The following OBI1 variants were observed in gnomAD, a reference collection of about 807,000 sequenced individuals.
The protein encoded by OBI1 is ORC ubiquitin ligase 1.
A neutral mutation model predicts 62.4 loss-of-function variants in OBI1; 59 were observed. The ratio of observed to expected loss-of-function variants is 0.95; its 90% CI spans 0.77 to 1.17. OBI1 has a LOEUF of 1.17. Ranked by LOEUF, OBI1 falls within the 50% of genes most tolerant of loss-of-function variation. The pLI is 0.00. For missense variants in OBI1, 875 were observed against 830.9 expected (o/e 1.05, Z -0.65); for synonymous variants, 302 against 292.8 (o/e 1.03, Z -0.32).
At chr13:78,620,688 A>G in intron 5 of OBI1, 1 of 455,908 alleles carries the variant, frequency 2.2e-6, no homozygotes, top group South Asian at 1.6e-5. Flanking sequence ...TGTCCCTAGT[A>G]AAAGAGAAAT....
chr13:78,616,807 G>A lies in OBI1; in HGVS notation c.954C>T (p.Ser318=). Residue 318 remains serine (S), a synonymous_variant, in exon 6 of 6, where the codon AGC becomes AGT. Transcript: ENST00000282003. ...SSSHLAKPSS[S]RLCDTSSARQ... ...TTGCAGAACTGGTGTCACACAGTCTGCTGCTGGAAGGCTTCGCTAGGTGAG... is the reference window on the plus strand; with the variant it reads ...TTGCAGAACTGGTGTCACACAGTCTACTGCTGGAAGGCTTCGCTAGGTGAG... 6.2e-7 allele frequency: 1 copy of A among 1,614,208 alleles called. No individual in the cohort carries two copies. Among genetic ancestry groups the A allele is most frequent in the Non-Finnish European group, 8.5e-7 (1 of 1,180,030 alleles).
chr13:78,643,415 C>T (rs375809217), intron 2 of OBI1, among the ~76,000 whole-genome samples: 18 of 152,298 alleles, frequency 1.2e-4, no homozygotes, highest in Admixed American at 2.6e-4. Context: ...ACTCTGATTG[C>T]GCCTTCAGAT....
At chr13:78,656,552 A>G (rs893421707) in intron 1 of OBI1, among the ~76,000 whole-genome samples, 3 of 151,742 alleles carry the variant, frequency 2.0e-5, no homozygotes, top group African/African-American at 7.3e-5. Flanking sequence ...ATTGCTCTCC[A>G]GCCCGGGCAA....
At chr13:78,626,387 T>A (rs1454268743) in intron 5 of OBI1, among the ~76,000 whole-genome samples, 1 of 152,178 alleles carries the variant, frequency 6.6e-6, no homozygotes, top group African/African-American at 2.4e-5. Flanking sequence ...ATTTAAAAAA[T>A]ATGTCTTGGT....
At chr13:78,657,766 T>G (rs1400012480) in intron 1 of OBI1, among the ~76,000 whole-genome samples, 1 of 152,226 alleles carries the variant, frequency 6.6e-6, no homozygotes, top group Non-Finnish European at 1.5e-5. Context: ...ACTCAGAATT[T>G]AACACATATT....
chr13:78,650,997 TA>T (rs767545887), intron 1 of OBI1, among the ~76,000 whole-genome samples: 8 of 152,156 alleles, frequency 5.3e-5, no homozygotes, highest in Non-Finnish European at 8.8e-5. Flanking sequence ...ACATTAAGTC[TA>T]AGAAGCCACA....
chr13:78,631,335 G>GA (rs1168804103), intron 5 of OBI1, among the ~76,000 whole-genome samples: 3 of 152,126 alleles, frequency 2.0e-5, no homozygotes, highest in Non-Finnish European at 4.4e-5. Context: ...ATTTGCTAAG[G>GA]GAAAGTACAA....
In OBI1 at chr13:78,616,074, C is replaced by G; in HGVS notation, c.1687G>C (p.Asp563His). 2 of 1,614,160 alleles carry G rather than the reference C, an allele frequency of 1.2e-6. No homozygotes were observed. Among genetic ancestry groups the G allele is most frequent in the South Asian group, 2.2e-5 (2 of 91,078 alleles). Reference protein sequence around the residue: ...SPCNNGFKSLDLDGLSKSSQG... With the variant: ...SPCNNGFKSLHLDGLSKSSQG... ...GATGACTTTGATAACCCATCCAAAT[C>G]CAGTGACTTAAAACCGTTATTACAA... Residue 563 changes from aspartate (D) to histidine (H), a missense_variant, in exon 6 of 6, where the codon GAT becomes CAT. Coordinates refer to ENST00000282003, the MANE Select transcript of OBI1 (RefSeq NM_024546.4).
Position 78,652,458 on chromosome 13 carries a change from A to T in OBI1, c.72+6591T>A, listed in dbSNP as rs1471966974. Among the ~76,000 whole-genome samples the T allele has an allele frequency of 2.6e-5, 4 of 152,142 alleles. No individual in the cohort carries two copies. The East Asian group carries it at 7.7e-4, about 29-fold the overall frequency. On this transcript the variant is annotated intron_variant, in intron 1 of 5. Transcript: ENST00000282003. ...AGACTTTCTATCCAATTTACTCTCA[A>T]ATGAGACCCGTGGCAATAAAACAGT...
intron 5 of OBI1, chr13:78,617,387 T>G: frequency 3.1e-6 from 1 of 327,430 alleles, no homozygotes; most frequent in Non-Finnish European, 5.6e-6. Context: ...GGCAGAAATG[T>G]GCTGATGATT....
At chr13:78,643,747 C>T (rs896454421) in intron 2 of OBI1, among the ~76,000 whole-genome samples, 11 of 151,874 alleles carry the variant, frequency 7.2e-5, no homozygotes, top group Non-Finnish European at 1.5e-4. Flanking sequence ...GAGAACGCGC[C>T]ACTGCACTCC....
At chr13:78,623,973 T>C (rs942649737) in intron 5 of OBI1, among the ~76,000 whole-genome samples, 2 of 152,160 alleles carry the variant, frequency 1.3e-5, no homozygotes, top group East Asian at 3.9e-4. Context: ...ACCAGAGATA[T>C]AAAGACTAAG....
At chr13:78,657,895 C>T (rs1217355943) in intron 1 of OBI1, among the ~76,000 whole-genome samples, 1 of 152,204 alleles carries the variant, frequency 6.6e-6, no homozygotes, top group East Asian at 1.9e-4. Context: ...AAACACCATC[C>T]TCGATGAGGC....
chr13:78,656,683 A>G (rs1265975881), intron 1 of OBI1, among the ~76,000 whole-genome samples: 1 of 117,046 alleles, frequency 8.5e-6, no homozygotes, highest in East Asian at 2.9e-4. Context: ...GCCTGAATGT[A>G]GAACTCAGGC....
intron 4 of OBI1, among the ~76,000 whole-genome samples, chr13:78,636,372 C>A (rs6563053): frequency 0.37 from 56,041 of 151,980 alleles, 10,647 homozygotes; most frequent in African/African-American, 0.39. Flanking sequence ...AATTCTTTGA[C>A]CAGAACATTT....
At chr13:78,658,485 CA>C (rs1219179830) in intron 1 of OBI1, among the ~76,000 whole-genome samples, 1 of 152,166 alleles carries the variant, frequency 6.6e-6, no homozygotes, top group African/African-American at 2.4e-5. Flanking sequence ...TAATACCCTC[CA>C]GGAGCACTTA....
At chr13:78,651,122 T>C (rs1379576061) in intron 1 of OBI1, among the ~76,000 whole-genome samples, 1 of 152,186 alleles carries the variant, frequency 6.6e-6, no homozygotes. Flanking sequence ...AAAATGTACA[T>C]CTCAGAATAG....
chr13:78,640,696 A>G (rs1876186190), intron 3 of OBI1, among the ~76,000 whole-genome samples: 1 of 152,122 alleles, frequency 6.6e-6, no homozygotes, highest in South Asian at 2.1e-4. Context: ...GCTACTTGAG[A>G]GGCTGAGGCA....
At chr13:78,651,971 G>A (rs1376622734) in intron 1 of OBI1, among the ~76,000 whole-genome samples, 4 of 152,124 alleles carry the variant, frequency 2.6e-5, no homozygotes, top group Non-Finnish European at 5.9e-5. Context: ...AAAAGCAAAA[G>A]TTTAACCTCC....
Sources: gnomAD v4.1 joint callset for allele counts (sites outside exome capture counted in the v4.1 genomes callset) on GRCh38, gnomAD v4.1.1 for gene constraint, MANE v1.5 for transcripts, NCBI Gene and HGNC (gene_info 2026-07-23, HGNC 2026-07-21) for gene names.